The following PDZRN4 variants were observed in gnomAD, a reference collection of about 807,000 sequenced individuals.
PDZRN4 encodes PDZ domain-containing RING finger protein 4.
Under a neutral mutation model 99.0 loss-of-function variants are expected in PDZRN4, and 70 were observed. The observed-to-expected ratio is 0.71, with a 90% CI of 0.58 to 0.86. The LOEUF (loss-of-function observed/expected upper bound fraction) is 0.86. Ranked by LOEUF, PDZRN4 falls within the 40% of genes least tolerant of loss-of-function variation. The pLI is 0.00. For missense variants in PDZRN4, 1,474 were observed against 1,331.2 expected (o/e 1.11, Z -1.67); for synonymous variants, 551 against 501.6 (o/e 1.10, Z -1.32).
At chr12:41,407,767 T>C (rs999680018) in intron 3 of PDZRN4, among the ~76,000 whole-genome samples, 2 of 151,550 alleles carry the variant, frequency 1.3e-5, no homozygotes, top group African/African-American at 4.8e-5. Context: ...TGTTAAGAAG[T>C]AAGGTTCACC....
intron 3 of PDZRN4, among the ~76,000 whole-genome samples, chr12:41,306,830 T>A (rs1445496242): frequency 2.0e-5 from 3 of 152,222 alleles, no homozygotes; most frequent in African/African-American, 7.2e-5. Context: ...CTTGCCTCCA[T>A]ATAATGAGGA....
At chr12:41,459,979 C>T in intron 3 of PDZRN4, 1 of 1,287,756 alleles carries the variant, frequency 7.8e-7, no homozygotes, top group African/African-American at 1.5e-5. Flanking sequence ...TGCTATTCTG[C>T]ATGAAATTGA....
intron 3 of PDZRN4, among the ~76,000 whole-genome samples, chr12:41,224,539 C>A (rs890638410): frequency 6.6e-6 from 1 of 152,036 alleles, no homozygotes; most frequent in Non-Finnish European, 1.5e-5. Flanking sequence ...AGTGATAGTG[C>A]TTTTAGTGGA....
intron 3 of PDZRN4, among the ~76,000 whole-genome samples, chr12:41,202,984 T>C (rs1281854039): frequency 6.6e-6 from 1 of 152,010 alleles, no homozygotes; most frequent in Non-Finnish European, 1.5e-5. Context: ...AAACAATAGA[T>C]TTACTCTATG....
chr12:41,259,822 T>C (rs1365999376), intron 3 of PDZRN4, among the ~76,000 whole-genome samples: 1 of 152,178 alleles, frequency 6.6e-6, no homozygotes, highest in Non-Finnish European at 1.5e-5. Context: ...GATATCTTCA[T>C]TGGTAACTAT....
chr12:41,404,418 G>A (rs1044078738), intron 3 of PDZRN4, among the ~76,000 whole-genome samples: 1 of 151,992 alleles, frequency 6.6e-6, no homozygotes, highest in African/African-American at 2.4e-5. Flanking sequence ...TAGCCACAAA[G>A]GAAATGAAAT....
At chr12:41,490,831 C>T (rs1937871383) in intron 3 of PDZRN4, among the ~76,000 whole-genome samples, 1 of 152,120 alleles carries the variant, frequency 6.6e-6, no homozygotes, top group Non-Finnish European at 1.5e-5. Flanking sequence ...CCACACATTT[C>T]AAGAAATTCC....
chr12:41,438,173 A>G (rs1952647433), intron 3 of PDZRN4, among the ~76,000 whole-genome samples: 1 of 152,134 alleles, frequency 6.6e-6, no homozygotes, highest in African/African-American at 2.4e-5. Context: ...TTTGGGTGGC[A>G]GTTTTCAGCT....
intron 3 of PDZRN4, chr12:41,460,109 C>A (rs757078265): frequency 7.9e-7 from 1 of 1,271,020 alleles, no homozygotes; most frequent in South Asian, 1.3e-5. Flanking sequence ...GTCAGGGGAT[C>A]ATAAACATAG....
chr12:41,283,820 T>TA (rs1451444776), intron 3 of PDZRN4, among the ~76,000 whole-genome samples: 3 of 152,184 alleles, frequency 2.0e-5, no homozygotes, highest in Non-Finnish European at 2.9e-5. Flanking sequence ...GGCTTCATGC[T>TA]AAAAACACTC....
In PDZRN4 at chr12:41,287,624, C is replaced by T. The variant is rs530730353; in HGVS notation, c.843+93436C>T. 2.6e-5 allele frequency among the ~76,000 whole-genome samples: 4 copies of T among 152,334 alleles called. No individual in the cohort carries two copies. The South Asian group carries it at 8.3e-4, about 32-fold the overall frequency. ...TCTTGCCTTCTTTTAGGACCTTCTG[C>T]TCAGAGTGTGTTTTTAGAGTTAGGC... is the stretch of plus-strand genomic sequence containing the variant. On this transcript the variant is annotated intron_variant, in intron 3 of 9. Transcript: ENST00000402685.
At chr12:41,383,918 A>G (rs1294260051) in intron 3 of PDZRN4, among the ~76,000 whole-genome samples, 1 of 148,682 alleles carries the variant, frequency 6.7e-6, no homozygotes. Flanking sequence ...GTTCATCATG[A>G]TACAGGAGGA....
chr12:41,441,652 C>T (rs1209461939), intron 3 of PDZRN4, among the ~76,000 whole-genome samples: 1 of 152,162 alleles, frequency 6.6e-6, no homozygotes, highest in Non-Finnish European at 1.5e-5. Flanking sequence ...TCTTGGATCT[C>T]ATATAATCTC....
intron 3 of PDZRN4, among the ~76,000 whole-genome samples, chr12:41,316,455 A>AGTGT (rs1951638490): frequency 8.6e-6 from 1 of 116,038 alleles, no homozygotes; most frequent in Non-Finnish European, 1.9e-5. Context: ...GAAAAAGGCA[A>AGTGT]ATGTGTGTGT....
chr12:41,360,647 A>C (rs1482029252), intron 3 of PDZRN4, among the ~76,000 whole-genome samples: 1 of 152,076 alleles, frequency 6.6e-6, no homozygotes, highest in East Asian at 1.9e-4. Flanking sequence ...TTAATGAATA[A>C]TTGACTTGCA....
At chr12:41,472,359 C>A (rs34548634) in intron 3 of PDZRN4, among the ~76,000 whole-genome samples, 2,413 of 152,234 alleles carry the variant, frequency 0.016, 44 homozygotes, top group Non-Finnish European at 0.023. Context: ...TCACACAGTA[C>A]TGTTTATTAA....
At chr12:41,549,672 T>C (rs1162737711) in intron 5 of PDZRN4, among the ~76,000 whole-genome samples, 1 of 152,196 alleles carries the variant, frequency 6.6e-6, no homozygotes, top group Non-Finnish European at 1.5e-5. Context: ...TTTATTAATA[T>C]GCGCTAAAGC....
At chr12:41,344,687 C>G (rs532178188) in intron 3 of PDZRN4, among the ~76,000 whole-genome samples, 81 of 150,064 alleles carry the variant, frequency 5.4e-4, no homozygotes, top group Middle Eastern at 3.5e-3. Flanking sequence ...AAATATAATG[C>G]CTGTTTCTGT....
chr12:41,480,633 ATT>A, intron 3 of PDZRN4, among the ~76,000 whole-genome samples: 1 of 152,268 alleles, frequency 6.6e-6, no homozygotes, highest in Non-Finnish European at 1.5e-5. Context: ...ATTGCTATTA[ATT>A]TTTTCCCAAT....
Sources: gnomAD v4.1 joint callset for allele counts (sites outside exome capture counted in the v4.1 genomes callset) on GRCh38, gnomAD v4.1.1 for gene constraint, MANE v1.5 for transcripts, NCBI Gene and HGNC (gene_info 2026-07-23, HGNC 2026-07-21) for gene names.